ZFAND2A: variants seen among roughly 807,000 people sequenced by gnomAD.
ZFAND2A encodes the protein zinc finger AN1-type containing 2A, also known as AN1-type zinc finger protein 2A.
Under a neutral mutation model 11.6 loss-of-function variants are expected in ZFAND2A, and 20 were observed. The ratio of observed to expected loss-of-function variants is 1.72; its 90% CI spans 1.21 to 2.50. The LOEUF (loss-of-function observed/expected upper bound fraction) is 2.50, where lower values mean the gene tolerates loss of function less well. Among genes scored for constraint, ZFAND2A ranks in the 30% most tolerant of loss-of-function variants. The probability of loss-of-function intolerance (pLI) is 0.00; values close to 1 mark genes in which losing one functional copy is unlikely to be tolerated. For synonymous variants in ZFAND2A, 93 were observed against 60.6 expected, an observed-to-expected ratio of 1.54 and a Z score of -2.48; for missense variants, 234 against 182.9, an observed-to-expected ratio of 1.28 and a Z score of -1.61.
chr7:1,153,635 C>T lies in ZFAND2A; in HGVS notation c.283-411G>A, dbSNP rs148882325. 1.1e-4 allele frequency among the ~76,000 whole-genome samples: 16 copies of T among 152,306 alleles called. No individual in the cohort carries two copies. The East Asian group carries it at 3.1e-3, about 29-fold the overall frequency. On this transcript the variant is annotated intron_variant, in intron 4 of 4. Coordinates refer to ENST00000316495, the MANE Select transcript of ZFAND2A (RefSeq NM_182491.4). Reference sequence around the variant, plus strand: ...GTACAGATGCAAAGTTTCATTTGACCATCTCAGTGCAGGTAAGAAGAACAT... The same window carrying T: ...GTACAGATGCAAAGTTTCATTTGACTATCTCAGTGCAGGTAAGAAGAACAT...
At chr7:1,159,374 A>C (rs1243238537) in intron 1 of ZFAND2A, among the ~76,000 whole-genome samples, 1 of 152,130 alleles carries the variant, frequency 6.6e-6, no homozygotes, top group African/African-American at 2.4e-5. Flanking sequence ...CGTGGCTGTC[A>C]CTCGGCTGGC....
chr7:1,152,300 A>G, downstream of ZFAND2A: 2 of 1,585,032 alleles, frequency 1.3e-6, no homozygotes, highest in Non-Finnish European at 1.7e-6. Flanking sequence ...CAGGGTGAGG[A>G]AATCTCCCAA....
downstream of ZFAND2A, among the ~76,000 whole-genome samples, chr7:1,150,851 G>A (rs1793384455): frequency 6.6e-6 from 1 of 150,764 alleles, no homozygotes; most frequent in South Asian, 2.1e-4. Flanking sequence ...CAGGTGCAAA[G>A]CAGCTCTCGG....
intron 4 of ZFAND2A, 150 bp from the exon 5 acceptor site, chr7:1,153,374 C>G: frequency 1.3e-6 from 1 of 792,252 alleles, no homozygotes; most frequent in Non-Finnish European, 1.9e-6. Context: ...CAGCCTAGTA[C>G]CTGGTACTAC....
chr7:1,155,481 TCA>T lies in ZFAND2A; in HGVS notation c.252_253del (p.Cys84Ter), dbSNP rs1793501582. 3 of 1,613,104 alleles carry T rather than the reference TCA, an allele frequency of 1.9e-6. No individual in the cohort carries two copies. Among genetic ancestry groups the T allele is most frequent in the Non-Finnish European group, 2.5e-6 (3 of 1,179,636 alleles). ...CTCTTTCTTCTTCCCAGGGTGAGAGTCACAGTCTCTGTCAATGTGATCACCAA... is the reference window on the plus strand; with the variant it reads ...CTCTTTCTTCTTCCCAGGGTGAGAGTCAGTCTCTGTCAATGTGATCACCAA... On this transcript the variant is annotated stop_gained and frameshift_variant, in exon 4 of 5. Coordinates refer to ENST00000316495, the MANE Select transcript of ZFAND2A (RefSeq NM_182491.4). LOFTEE classifies it low-confidence loss of function (END_TRUNC).
downstream of ZFAND2A, among the ~76,000 whole-genome samples, chr7:1,149,839 T>A (rs1793365324): frequency 6.6e-6 from 1 of 151,008 alleles, no homozygotes; most frequent in Non-Finnish European, 1.5e-5. Flanking sequence ...GCAGGGTGAC[T>A]AGCTTGTTCT....
At chr7:1,157,881 G>A (rs1033698171) in intron 2 of ZFAND2A, 131 bp from the exon 3 acceptor site, 2 of 762,308 alleles carry the variant, frequency 2.6e-6, no homozygotes, top group Admixed American at 2.8e-5. Context: ...GGCCACACAT[G>A]TGAAAACAAT....
chr7:1,150,904 T>G (rs1326695637), downstream of ZFAND2A, among the ~76,000 whole-genome samples: 1 of 144,904 alleles, frequency 6.9e-6, no homozygotes, highest in Non-Finnish European at 1.5e-5. Flanking sequence ...TTTTTTTTTT[T>G]TGAGATTCAG....
intron 3 of ZFAND2A, 79 bp downstream of exon 3, chr7:1,157,577 G>A (rs985057567): frequency 2.1e-5 from 29 of 1,360,380 alleles, no homozygotes; most frequent in South Asian, 6.7e-5. Flanking sequence ...GCCATACGTC[G>A]CTAGTCCCTA....
intron 4 of ZFAND2A, among the ~76,000 whole-genome samples, chr7:1,154,716 T>G (rs1228223756): frequency 6.6e-6 from 1 of 152,228 alleles, no homozygotes; most frequent in African/African-American, 2.4e-5. Flanking sequence ...ATTTGGTTTA[T>G]GGTAATATAA....
downstream of ZFAND2A, among the ~76,000 whole-genome samples, chr7:1,149,852 AG>A (rs1203892205): frequency 2.1e-5 from 3 of 143,076 alleles, no homozygotes; most frequent in Admixed American, 2.1e-4. Flanking sequence ...CTTGTTCTTA[AG>A]TTTTTTTTTT....
At chr7:1,155,400 A>C in intron 4 of ZFAND2A, 53 bp downstream of exon 4, 1 of 1,591,948 alleles carries the variant, frequency 6.3e-7, no homozygotes, top group Non-Finnish European at 8.5e-7. Context: ...GACTCTTCCC[A>C]AGGAAAAACC....
chr7:1,155,397 C>G (rs1017973338), intron 4 of ZFAND2A, 56 bp downstream of exon 4: 1 of 1,589,746 alleles, frequency 6.3e-7, no homozygotes, highest in Non-Finnish European at 8.6e-7. Context: ...ACTGACTCTT[C>G]CCAAGGAAAA....
At chr7:1,151,279 G>A (rs1307727031), downstream of ZFAND2A, among the ~76,000 whole-genome samples, 1 of 152,202 alleles carries the variant, frequency 6.6e-6, no homozygotes, top group African/African-American at 2.4e-5. Flanking sequence ...GCCCCTTGGA[G>A]GTCAGGAACG....
chr7:1,153,067 T>C lies in ZFAND2A; in HGVS notation c.*2A>G, dbSNP rs767782345. ...TCCGAGCCATCGCAGCGGAGTCTCT[T>C]CTCACCCAGCTTTGATGGTGGGGCG... On this transcript the variant is annotated 3_prime_UTR_variant, in exon 5 of 5. Transcript: ENST00000316495. The C allele has an allele frequency of 1.2e-6, 2 of 1,614,142 alleles. No individual in the cohort carries two copies. The highest frequency in any genetic ancestry group is 1.1e-5 in the South Asian group (1 of 91,090).
intron 4 of ZFAND2A, among the ~76,000 whole-genome samples, chr7:1,154,296 G>A (rs1312375335): frequency 6.6e-6 from 1 of 151,974 alleles, no homozygotes; most frequent in Non-Finnish European, 1.5e-5. Context: ...TCCAGCAGCC[G>A]GGGGTGGCCC....
rs1449584389 is a variant in ZFAND2A, at chr7:1,160,165, C to T, written c.-247G>A. ...CCCGCGGCCTACGGGGATTTATCCG[C>T]AGCCCCCGGATCTGAGAGCCGTCTG... On this transcript the variant is annotated 5_prime_UTR_variant, in exon 1 of 5. Transcript: ENST00000316495. 6.6e-6 allele frequency: 1 copy of T among 152,382 alleles called. No individual in the cohort carries two copies. 9.4% of individuals were successfully genotyped at this position (152,382 alleles called of 1,614,324 possible).
At chr7:1,159,753 T>C (rs1431710744) in intron 1 of ZFAND2A, among the ~76,000 whole-genome samples, 2 of 68,550 alleles carry the variant, frequency 2.9e-5, no homozygotes, top group Non-Finnish European at 5.9e-5. Context: ...GCAGGCCCGG[T>C]CCCCAGCAGA....
downstream of ZFAND2A, among the ~76,000 whole-genome samples, chr7:1,151,722 G>A (rs1182089813): frequency 1.5e-5 from 2 of 132,598 alleles, no homozygotes; most frequent in African/African-American, 5.8e-5. Flanking sequence ...TTGTGCCACT[G>A]CACTCCAGCC....
Sources: allele counts gnomAD v4.1 joint callset (sites outside exome capture counted in the v4.1 genomes callset), GRCh38; gene constraint gnomAD v4.1.1; transcripts MANE v1.5; gene names NCBI Gene and HGNC (gene_info 2026-07-23, HGNC 2026-07-21).